Variants in NEK1 observed in about 807,000 individuals in gnomAD.
The protein encoded by NEK1 is NIMA related kinase 1, also known as serine/threonine-protein kinase Nek1.
A neutral mutation model predicts 182.1 loss-of-function variants in NEK1; 137 were observed. That is an observed-to-expected ratio of 0.75 (90% confidence interval 0.65 to 0.87). NEK1 has a LOEUF of 0.87. Among genes scored for constraint, NEK1 ranks in the 40% least tolerant of loss-of-function variants. The pLI, the probability that NEK1 is intolerant of heterozygous loss-of-function variation, is 0.00. For missense variants in NEK1, 1,391 were observed against 1,494.4 expected (o/e 0.93, Z 1.14); for synonymous variants, 513 against 492.2 (o/e 1.04, Z -0.56).
intron 31 of NEK1, among the ~76,000 whole-genome samples, chr4:169,417,308 C>T (rs1327926439): frequency 6.6e-6 from 1 of 152,166 alleles, no homozygotes; most frequent in African/African-American, 2.4e-5. Context: ...CATATGAAAC[C>T]TTGTAGACCA....
At chr4:169,430,035 TTATC>T (rs1737130049) in intron 29 of NEK1, among the ~76,000 whole-genome samples, 1 of 152,164 alleles carries the variant, frequency 6.6e-6, no homozygotes, top group Non-Finnish European at 1.5e-5. Context: ...ATTAAATAGG[TTATC>T]TTTTTATGTT....
chr4:169,580,487 T>G (rs1766443317), intron 11 of NEK1, among the ~76,000 whole-genome samples: 2 of 84,008 alleles, frequency 2.4e-5, no homozygotes, highest in South Asian at 1.0e-3. Context: ...AGAGCGAAAC[T>G]TCATCTCAAA....
chr4:169,556,023 G>C lies in NEK1; in HGVS notation c.1339C>G (p.His447Asp), dbSNP rs768920137. ...TGCTGCATTTGGTCAAAAATGGCATGGTAATGTTCATACTGTCCTCGAGAA... is the reference window on the plus strand; with the variant it reads ...TGCTGCATTTGGTCAAAAATGGCATCGTAATGTTCATACTGTCCTCGAGAA... ...FSSRGQYEHY[H>D]AIFDQMQQQR... is the part of the protein sequence containing the mutation. Residue 447 changes from histidine to aspartate, a missense_variant, in exon 17 of 36, where the codon CAT becomes GAT. His to Asp is a moderately conservative substitution (Grantham distance 81, BLOSUM62 -1). Around this residue, in one of 5 missense-constraint regions of NEK1, gnomAD observed 1,216 missense variants for 1,277.6 expected, o/e 0.95. Transcript: ENST00000507142. 1.9e-6 allele frequency: 3 copies of C among 1,613,676 alleles called. No individual in the cohort carries two copies. The highest frequency in any genetic ancestry group is 2.5e-6 in the Non-Finnish European group (3 of 1,179,766).
chr4:169,548,409 C>G (rs1760883494), intron 18 of NEK1, among the ~76,000 whole-genome samples: 1 of 152,088 alleles, frequency 6.6e-6, no homozygotes, highest in South Asian at 2.1e-4. Context: ...TCGGCCCCTA[C>G]TGGGGAGGTG....
chr4:169,421,866 G>A (rs1735537600), intron 31 of NEK1, among the ~76,000 whole-genome samples: 2 of 152,142 alleles, frequency 1.3e-5, no homozygotes, highest in South Asian at 2.1e-4. Flanking sequence ...AATCAGTAAA[G>A]ATGCAGAAGA....
chr4:169,432,628 T>C (rs564215576), intron 29 of NEK1, among the ~76,000 whole-genome samples: 8 of 152,310 alleles, frequency 5.3e-5, no homozygotes, highest in Admixed American at 3.9e-4. Flanking sequence ...CTGTGTACAC[T>C]ATACTAACAA....
intron 27 of NEK1, among the ~76,000 whole-genome samples, chr4:169,445,865 TACAC>T (rs201151434): frequency 6.3e-5 from 9 of 143,274 alleles, no homozygotes; most frequent in African/African-American, 2.2e-4. Flanking sequence ...TATATATATA[TACAC>T]ACACACACAC....
At chr4:169,581,142 TAG>T (rs747076860) in intron 10 of NEK1, among the ~76,000 whole-genome samples, 6 of 151,492 alleles carry the variant, frequency 4.0e-5, no homozygotes, top group Non-Finnish European at 8.8e-5. Flanking sequence ...AGCAAGGAGT[TAG>T]AGTTCAGCCC....
intron 18 of NEK1, among the ~76,000 whole-genome samples, chr4:169,552,136 T>C (rs546135528): frequency 6.6e-6 from 1 of 152,192 alleles, no homozygotes; most frequent in South Asian, 2.1e-4. Flanking sequence ...TGTATGTAAA[T>C]CTAAGACAAT....
intron 28 of NEK1, among the ~76,000 whole-genome samples, chr4:169,436,857 T>C: frequency 6.6e-6 from 1 of 152,258 alleles, no homozygotes; most frequent in Non-Finnish European, 1.5e-5. Context: ...CAGCACTGTC[T>C]TACAGTATCC....
chr4:169,466,471 A>G (rs1422083133), intron 26 of NEK1, among the ~76,000 whole-genome samples: 1 of 149,604 alleles, frequency 6.7e-6, no homozygotes, highest in Non-Finnish European at 1.5e-5. Flanking sequence ...AGAAGACCTC[A>G]TCACAAGTAA....
At chr4:169,505,342 A>C (rs1043100259) in intron 23 of NEK1, among the ~76,000 whole-genome samples, 1 of 151,584 alleles carries the variant, frequency 6.6e-6, no homozygotes, top group Non-Finnish European at 1.5e-5. Context: ...TCCTCAGCCT[A>C]CTCCACCTGA....
At chr4:169,585,584 A>C in intron 9 of NEK1, 35 bp from the exon 10 acceptor site, 1 of 1,382,048 alleles carries the variant, frequency 7.2e-7, no homozygotes, top group Non-Finnish European at 1.0e-6. Context: ...TATAGGAAAC[A>C]TATATAAATT....
chr4:169,575,779 C>T (rs986109793), intron 12 of NEK1, among the ~76,000 whole-genome samples: 12 of 152,130 alleles, frequency 7.9e-5, no homozygotes, highest in Non-Finnish European at 2.9e-5. Flanking sequence ...CATACCCTAC[C>T]CAGTAAGGTC....
intron 29 of NEK1, 49 bp downstream of exon 29, chr4:169,433,496 A>T (rs1216467311): frequency 6.4e-7 from 1 of 1,553,690 alleles, no homozygotes; most frequent in Admixed American, 2.0e-5. Flanking sequence ...CTTAAAAGTT[A>T]TTACAAAAGG....
At chr4:169,504,627 C>T (rs1446330389) in intron 23 of NEK1, among the ~76,000 whole-genome samples, 2 of 152,016 alleles carry the variant, frequency 1.3e-5, no homozygotes, top group South Asian at 4.2e-4. Context: ...GAAATAAGCC[C>T]GGCACAGAAA....
At chr4:169,583,393 T>C (rs941457366) in intron 10 of NEK1, among the ~76,000 whole-genome samples, 2 of 151,932 alleles carry the variant, frequency 1.3e-5, no homozygotes, top group Non-Finnish European at 2.9e-5. Flanking sequence ...AGAAAATAAA[T>C]CTGAGAAACA....
At chr4:169,605,761 A>G (rs1771231690) in intron 2 of NEK1, among the ~76,000 whole-genome samples, 1 of 152,132 alleles carries the variant, frequency 6.6e-6, no homozygotes, top group Non-Finnish European at 1.5e-5. Context: ...CACAATACCA[A>G]CTTTACTCAC....
intron 35 of NEK1, among the ~76,000 whole-genome samples, chr4:169,399,728 C>T (rs760834734): frequency 2.6e-5 from 4 of 152,188 alleles, no homozygotes; most frequent in Admixed American, 6.5e-5. Flanking sequence ...TCAAGCAATC[C>T]TCCCACCTCA....
Sources: allele counts gnomAD v4.1 joint callset (sites outside exome capture counted in the v4.1 genomes callset), GRCh38; gene constraint gnomAD v4.1.1; regional missense constraint gnomAD v4.1.1; transcripts MANE v1.5; gene names NCBI Gene and HGNC (gene_info 2026-07-23, HGNC 2026-07-21).